KCND3: variants seen among roughly 807,000 people sequenced by gnomAD.
KCND3 encodes A-type voltage-gated potassium channel KCND3.
KCND3 carries 9 observed loss-of-function variants against 51.1 expected under a neutral mutation model. The observed-to-expected ratio is 0.18, with a 90% confidence interval of 0.11 to 0.31. KCND3 has a LOEUF of 0.31. Ranked by LOEUF, KCND3 falls within the 10% of genes least tolerant of loss-of-function variation. KCND3 has a pLI of 1.00. For synonymous variants in KCND3, 349 were observed against 368.0 expected (o/e 0.95, Z 0.59); for missense variants, 526 against 903.8 (o/e 0.58, Z 5.36).
chr1:111,821,421 G>C (rs189173810), intron 2 of KCND3, among the ~76,000 whole-genome samples: 187 of 152,298 alleles, frequency 1.2e-3, no homozygotes, highest in African/African-American at 4.3e-3. Context: ...CAGAGGCCTT[G>C]AGTGCACAGC....
intron 2 of KCND3, among the ~76,000 whole-genome samples, chr1:111,978,678 C>T (rs1674776387): frequency 6.6e-6 from 1 of 152,162 alleles, no homozygotes; most frequent in Non-Finnish European, 1.5e-5. Flanking sequence ...CACCTCCCTC[C>T]TGGGGGACCA....
At chr1:111,823,549 C>T (rs903183156) in intron 2 of KCND3, among the ~76,000 whole-genome samples, 1 of 152,124 alleles carries the variant, frequency 6.6e-6, no homozygotes, top group African/African-American at 2.4e-5. Flanking sequence ...TGGTTTTACA[C>T]TGTCCAATCT....
At chr1:111,919,365 C>T (rs1030638682) in intron 2 of KCND3, among the ~76,000 whole-genome samples, 3 of 151,870 alleles carry the variant, frequency 2.0e-5, no homozygotes, top group African/African-American at 7.3e-5. Context: ...GTATGGGGTT[C>T]AGGGAAGGCC....
At chr1:111,871,482 C>T (rs1482142271) in intron 2 of KCND3, among the ~76,000 whole-genome samples, 1 of 151,954 alleles carries the variant, frequency 6.6e-6, no homozygotes, top group African/African-American at 2.4e-5. Flanking sequence ...ACAACGGTGT[C>T]ACTAAGAGAA....
chr1:111,929,894 A>T (rs946311797), intron 2 of KCND3, among the ~76,000 whole-genome samples: 1 of 152,236 alleles, frequency 6.6e-6, no homozygotes, highest in Non-Finnish European at 1.5e-5. Flanking sequence ...GGCAGGAGAC[A>T]GAGAAACGCT....
chr1:111,893,938 C>A (rs929193214), intron 2 of KCND3, among the ~76,000 whole-genome samples: 1 of 152,098 alleles, frequency 6.6e-6, no homozygotes, highest in Admixed American at 6.5e-5. Flanking sequence ...AGGTCCATGC[C>A]CCCATCACTC....
intron 2 of KCND3, among the ~76,000 whole-genome samples, chr1:111,865,582 T>C (rs985525967): frequency 2.0e-5 from 3 of 152,238 alleles, no homozygotes; most frequent in Admixed American, 6.5e-5. Context: ...ATAGAAATAA[T>C]GTCTCTGAAA....
chr1:111,777,376 G>C, intron 6 of KCND3, 103 bp from the exon 7 acceptor site: 1 of 1,282,074 alleles, frequency 7.8e-7, no homozygotes, highest in Non-Finnish European at 1.1e-6. Context: ...GGACCTTGAA[G>C]GAAGGGCTCC....
chr1:111,974,418 G>A (rs928173978), intron 2 of KCND3, among the ~76,000 whole-genome samples: 1 of 152,046 alleles, frequency 6.6e-6, no homozygotes, highest in African/African-American at 2.4e-5. Context: ...AACACTTAAG[G>A]TATGAGTATT....
chr1:111,775,819 A>ACACCCCCCCCCCCC lies in KCND3; in HGVS notation c.*257_*258insGGGGGGGGGGGGTG. ...GCCTATATCCCCCGGCCTATCCCCG[A>ACACCCCCCCCCCCC]CCCCCCCACCCTCCCTCCCTTCCTC... On this transcript the variant is annotated 3_prime_UTR_variant, in exon 8 of 8. Coordinates refer to ENST00000302127, the MANE Select transcript of KCND3 (RefSeq NM_001378969.1). The ACACCCCCCCCCCCC allele has an allele frequency of 1.0e-5, 1 of 97,706 alleles. No individual in the cohort carries two copies. The highest frequency in any genetic ancestry group is 2.0e-5 in the Non-Finnish European group (1 of 51,262). 6.1% of individuals were successfully genotyped at this position (97,706 alleles called of 1,614,324 possible).
intron 2 of KCND3, among the ~76,000 whole-genome samples, chr1:111,825,324 T>A (rs1666526220): frequency 1.3e-5 from 2 of 152,188 alleles, no homozygotes; most frequent in South Asian, 4.1e-4. Flanking sequence ...CAATGGCCCA[T>A]CAGCTCAGGT....
intron 2 of KCND3, among the ~76,000 whole-genome samples, chr1:111,847,210 T>C (rs1667591535): frequency 6.6e-6 from 1 of 152,160 alleles, no homozygotes; most frequent in African/African-American, 2.4e-5. Context: ...CAGGGCCATC[T>C]TCCTTCCCAT....
intron 2 of KCND3, among the ~76,000 whole-genome samples, chr1:111,932,690 A>G (rs140268609): frequency 4.1e-4 from 62 of 152,314 alleles, no homozygotes; most frequent in African/African-American, 1.5e-3. Flanking sequence ...ATACTATAGC[A>G]TGTTGGTTTC....
chr1:111,922,977 C>G (rs937219740), intron 2 of KCND3, among the ~76,000 whole-genome samples: 2 of 152,218 alleles, frequency 1.3e-5, no homozygotes, highest in African/African-American at 4.8e-5. Flanking sequence ...ACATTCAGAT[C>G]TGATCATCCC....
intron 2 of KCND3, among the ~76,000 whole-genome samples, chr1:111,954,604 A>G (rs1211532160): frequency 3.3e-5 from 5 of 152,256 alleles, no homozygotes; most frequent in Admixed American, 6.5e-5. Flanking sequence ...CCCAACTGCC[A>G]GAGTGGGATT....
At chr1:111,792,958 T>C (rs1403370092) in intron 2 of KCND3, among the ~76,000 whole-genome samples, 1 of 149,822 alleles carries the variant, frequency 6.7e-6, no homozygotes, top group Admixed American at 6.7e-5. Context: ...ATAATACCAA[T>C]TTTTGAGCTC....
intron 2 of KCND3, among the ~76,000 whole-genome samples, chr1:111,817,090 A>G (rs1336255116): frequency 6.6e-6 from 1 of 152,134 alleles, no homozygotes; most frequent in African/African-American, 2.4e-5. Context: ...TCACCAAAGC[A>G]GTGTACACTG....
rs1324707575 is a variant in KCND3, at chr1:111,989,487, C to T, written c.-73+18G>A. ...TCGCACTTCCTGGCTCCAGAAGGCTCGGTCGCGTCCCTCTTACCTTCCGCG... is the reference window on the plus strand; with the variant it reads ...TCGCACTTCCTGGCTCCAGAAGGCTTGGTCGCGTCCCTCTTACCTTCCGCG... On this transcript the variant is annotated intron_variant, in intron 1 of 7. Coordinates refer to ENST00000302127, the MANE Select transcript of KCND3 (RefSeq NM_001378969.1). 6.6e-6 allele frequency among the ~76,000 whole-genome samples: 1 copy of T among 151,800 alleles called. No homozygotes were observed. The highest frequency in any genetic ancestry group is 1.5e-5 in the Non-Finnish European group (1 of 67,896).
At position 111,982,702 on chromosome 1, in the gene KCND3, G is replaced by A; in HGVS notation, c.25C>T (p.Leu9=). Residue 9 remains leucine (L), a synonymous_variant, in exon 2 of 8, where the codon CTG becomes TTG. Transcript: ENST00000302127. This position sits in a 1 kb window ranked among gnomAD's most constrained non-coding sequence, Gnocchi z 8.5. MAAGVAAW[L]PFARAAAIGW... ...ATGGCCGCAGCCCGGGCAAAAGGCA[G>A]CCAGGCCGCAACTCCGGCCGCCATG... 6.2e-7 allele frequency: 1 copy of A among 1,606,362 alleles called. No homozygotes were observed. The highest frequency in any genetic ancestry group is 8.5e-7 in the Non-Finnish European group (1 of 1,179,408).
Sources: allele counts gnomAD v4.1 joint callset (sites outside exome capture counted in the v4.1 genomes callset), GRCh38; gene constraint gnomAD v4.1.1; non-coding constraint Gnocchi (gnomAD v3.1); transcripts MANE v1.5; gene names NCBI Gene and HGNC (gene_info 2026-07-23, HGNC 2026-07-21).